COPG2: variants seen among roughly 807,000 people sequenced by gnomAD.
COPG2 encodes the protein coat protein complex I subunit gamma 2.
A neutral mutation model predicts 46.3 loss-of-function variants in COPG2; 37 were observed. The ratio of observed to expected loss-of-function variants is 0.80; its 90% CI spans 0.61 to 1.05. COPG2 has a LOEUF of 1.05. Ranked by LOEUF, COPG2 falls within the 50% of genes least tolerant of loss-of-function variation. COPG2 has a pLI of 0.00. For missense variants in COPG2, 427 were observed against 387.8 expected (o/e 1.10, Z -0.85); for synonymous variants, 159 against 129.7 (o/e 1.23, Z -1.53).
In COPG2 at chr7:130,628,442, T is replaced by C. The variant is rs138335980; in HGVS notation, c.324-11377A>G. On this transcript the variant is annotated intron_variant, in intron 5 of 23. Transcript: ENST00000425248. ...TAAGAGTATCACTTCATGGCTAGAATAAGAACCTCTCAAGGGTATATTCCC... is the reference window on the plus strand; with the variant it reads ...TAAGAGTATCACTTCATGGCTAGAACAAGAACCTCTCAAGGGTATATTCCC... Among the ~76,000 whole-genome samples, 1,048 of 152,328 alleles carry C rather than the reference T, an allele frequency of 6.9e-3. 12 individuals carry two copies. The highest frequency in any genetic ancestry group is 0.024 in the African/African-American group (993 of 41,588).
intron 9 of COPG2, among the ~76,000 whole-genome samples, chr7:130,598,084 T>C (rs1363281597): frequency 3.9e-5 from 6 of 152,018 alleles, no homozygotes; most frequent in Non-Finnish European, 1.5e-5. Context: ...TGGTTGCCGC[T>C]TCTAGTGTAG....
At chr7:130,545,197 TTTC>T (rs2116377042) in intron 20 of COPG2, among the ~76,000 whole-genome samples, 1 of 152,018 alleles carries the variant, frequency 6.6e-6, no homozygotes, top group Non-Finnish European at 1.5e-5. Context: ...TTTCATTTCA[TTTC>T]ATTTCATCCT....
At chr7:130,555,219 ATAAT>A (rs1180099381) in intron 12 of COPG2, 87 bp from the exon 13 acceptor site, 10 of 392,122 alleles carry the variant, frequency 2.6e-5, no homozygotes, top group Non-Finnish European at 3.1e-5. Context: ...ATTCATCTTT[ATAAT>A]TATGGCTACT....
intron 1 of COPG2, 22 bp downstream of exon 1, chr7:130,668,610 G>T: frequency 6.6e-7 from 1 of 1,520,018 alleles, no homozygotes; most frequent in South Asian, 1.2e-5. Context: ...CTGAGGGTGG[G>T]CCTCGGAAGC....
intron 20 of COPG2, among the ~76,000 whole-genome samples, chr7:130,526,612 G>T (rs1239641573): frequency 2.6e-5 from 4 of 151,970 alleles, no homozygotes; most frequent in African/African-American, 7.3e-5. Context: ...ACAGCCATAG[G>T]TGGAGTGAGG....
intron 20 of COPG2, among the ~76,000 whole-genome samples, chr7:130,523,072 C>T (rs1023445768): frequency 4.2e-5 from 6 of 144,226 alleles, no homozygotes; most frequent in East Asian, 4.1e-4. Context: ...GAGCCGAGAT[C>T]GCACCACTGC....
chr7:130,591,129 C>A (rs1554448775), intron 9 of COPG2, among the ~76,000 whole-genome samples: 1 of 120,080 alleles, frequency 8.3e-6, no homozygotes, highest in African/African-American at 2.9e-5. Context: ...CTGCCCCGTC[C>A]GGAAGGGAGG....
intron 20 of COPG2, among the ~76,000 whole-genome samples, chr7:130,531,867 C>T (rs1799829537): frequency 1.3e-5 from 2 of 151,556 alleles, no homozygotes; most frequent in Non-Finnish European, 2.9e-5. Context: ...CGAGGGAGGG[C>T]TGGGGGCACG....
At chr7:130,552,176 T>C (rs1024564400) in intron 15 of COPG2, among the ~76,000 whole-genome samples, 179 bp downstream of exon 15, 114 of 152,236 alleles carry the variant, frequency 7.5e-4, no homozygotes, top group African/African-American at 2.6e-3. Context: ...CACATCAAAT[T>C]GATTGGGAGG....
chr7:130,650,535 G>GT (rs1203699058), intron 5 of COPG2, among the ~76,000 whole-genome samples: 3 of 152,018 alleles, frequency 2.0e-5, no homozygotes, highest in East Asian at 3.9e-4. Context: ...GGTTTTCTGG[G>GT]TTTTTTTGTT....
intron 9 of COPG2, among the ~76,000 whole-genome samples, chr7:130,583,322 G>C (rs1423013332): frequency 8.4e-6 from 1 of 119,240 alleles, no homozygotes; most frequent in Non-Finnish European, 1.6e-5. Flanking sequence ...ACAGGAAGGA[G>C]AATATCACAC....
At chr7:130,652,180 T>G (rs567357075) in intron 5 of COPG2, among the ~76,000 whole-genome samples, 1 of 152,360 alleles carries the variant, frequency 6.6e-6, no homozygotes, top group African/African-American at 2.4e-5. Context: ...CATCAATATA[T>G]ATAAGTTTTT....
intron 9 of COPG2, among the ~76,000 whole-genome samples, chr7:130,594,796 A>G (rs1291011267): frequency 1.3e-5 from 2 of 152,230 alleles, no homozygotes; most frequent in Non-Finnish European, 2.9e-5. Flanking sequence ...GCAAATCAAA[A>G]CCACAACTAG....
chr7:130,610,484 A>C (rs371687805), intron 9 of COPG2: 4 of 515,600 alleles, frequency 7.8e-6, no homozygotes, highest in Non-Finnish European at 1.2e-5. Flanking sequence ...CCAGCTTACT[A>C]TACCTCAAAA....
At chr7:130,642,708 T>C (rs1456498137) in intron 5 of COPG2, among the ~76,000 whole-genome samples, 5 of 152,132 alleles carry the variant, frequency 3.3e-5, no homozygotes, top group Admixed American at 3.3e-4. Context: ...TCAAAAAATC[T>C]GTGGAAAAAT....
At chr7:130,632,776 G>A (rs1374190935) in intron 5 of COPG2, among the ~76,000 whole-genome samples, 2 of 151,750 alleles carry the variant, frequency 1.3e-5, no homozygotes, top group Non-Finnish European at 1.5e-5. Flanking sequence ...TTAAGTTCTG[G>A]GATACATGTG....
chr7:130,651,379 C>T lies in COPG2; in HGVS notation c.323+1490G>A, dbSNP rs10260628. Among the ~76,000 whole-genome samples the T allele has an allele frequency of 4.1e-3, 625 of 151,042 alleles. 7 individuals carry two copies. The highest frequency in any genetic ancestry group is 0.015 in the African/African-American group (603 of 41,120). ...TCACCCAGGCTGGAGTGCAGTGGCA[C>T]GATCTCGGCTCACCGCAATCTCCAC... On this transcript the variant is annotated intron_variant, in intron 5 of 23. Coordinates refer to ENST00000425248, the MANE Select transcript of COPG2 (RefSeq NM_012133.6).
In COPG2 at chr7:130,655,882, CA is replaced by C. The variant is rs1479207584; in HGVS notation, c.244-2935del. 3.6e-4 allele frequency among the ~76,000 whole-genome samples: 55 copies of C among 152,226 alleles called. 1 individual carries two copies. Among genetic ancestry groups the C allele is most frequent in the South Asian group, 1.0e-3 (5 of 4,828 alleles). On this transcript the variant is annotated intron_variant, in intron 4 of 23. Transcript: ENST00000425248. Reference sequence around the variant, plus strand: ...CCATTTACTTTATCATGGCTGTAAACAAAACAGAAAAATGTTCTTACTATCA... The same window carrying C: ...CCATTTACTTTATCATGGCTGTAAACAAACAGAAAAATGTTCTTACTATCA...
intron 20 of COPG2, chr7:130,511,310 C>T (rs1271653192): frequency 4.8e-6 from 2 of 418,880 alleles, no homozygotes; most frequent in Non-Finnish European, 9.4e-6. Context: ...AGAAAGAAGG[C>T]AAAAGAGATG....
Sources: gnomAD v4.1 joint callset for allele counts (sites outside exome capture counted in the v4.1 genomes callset) on GRCh38, gnomAD v4.1.1 for gene constraint, MANE v1.5 for transcripts, NCBI Gene and HGNC (gene_info 2026-07-23, HGNC 2026-07-21) for gene names.